The following SSBP3 variants were observed in gnomAD, a reference collection of about 807,000 sequenced individuals.
The protein encoded by SSBP3 is single-stranded DNA-binding protein 3.
SSBP3 carries 5 observed loss-of-function variants against 69.6 expected under a neutral mutation model. That is an observed-to-expected ratio of 0.07 (90% CI 0.04 to 0.15). SSBP3 has a LOEUF of 0.15. SSBP3 is among the 10% of genes least tolerant of loss of function. The probability of loss-of-function intolerance (pLI) is 1.00; values close to 1 mark genes in which losing one functional copy is unlikely to be tolerated. For synonymous variants in SSBP3, 196 were observed against 193.4 expected, an observed-to-expected ratio of 1.01 and a Z score of -0.11; for missense variants, 312 against 534.0, an observed-to-expected ratio of 0.58 and a Z score of 4.10.
chr1:54,288,886 G>A (rs1345890357), intron 4 of SSBP3, among the ~76,000 whole-genome samples: 1 of 151,864 alleles, frequency 6.6e-6, no homozygotes, highest in African/African-American at 2.4e-5. Flanking sequence ...TGGGTGTGGT[G>A]GCGGGTGCCT....
chr1:54,263,425 G>T (rs757545006), intron 5 of SSBP3, among the ~76,000 whole-genome samples: 1 of 152,176 alleles, frequency 6.6e-6, no homozygotes, highest in Non-Finnish European at 1.5e-5. Context: ...TTTCCCAACG[G>T]CTCTGAGCCT....
At chr1:54,249,428 C>T (rs1360796191) in intron 9 of SSBP3, among the ~76,000 whole-genome samples, 1 of 152,198 alleles carries the variant, frequency 6.6e-6, no homozygotes, top group East Asian at 1.9e-4. Flanking sequence ...GGCACGGTGG[C>T]TCACGCCTAT....
chr1:54,285,256 G>A (rs1645467151), intron 4 of SSBP3: 1 of 152,134 alleles, frequency 6.6e-6, no homozygotes, highest in Admixed American at 6.5e-5. Context: ...AGCAACCAGT[G>A]GTATAGGGCA....
At chr1:54,353,034 C>T (rs1229755616) in intron 4 of SSBP3, among the ~76,000 whole-genome samples, 5 of 152,120 alleles carry the variant, frequency 3.3e-5, no homozygotes, top group African/African-American at 1.2e-4. Context: ...GCGGCCCGAC[C>T]GGACAGCGCC....
rs2100538241 is a variant in SSBP3 at position 54,227,177 on chromosome 1, G to T, written c.1138-17C>A. The T allele has an allele frequency of 1.4e-6, 1 of 723,120 alleles. No individual in the cohort carries two copies. The highest frequency in any genetic ancestry group is 2.2e-6 in the Non-Finnish European group (1 of 463,548). The allele number at this position is 723,120 out of a possible 1,614,324, so 44.8% of individuals were successfully genotyped here. Reference sequence around the variant, plus strand: ...TGGAGAATACTGGAAAGGAGAAGCAGAGAAGGGGGGGGGGTGAGGATTGTG... The same window carrying T: ...TGGAGAATACTGGAAAGGAGAAGCATAGAAGGGGGGGGGGTGAGGATTGTG... On this transcript the variant is annotated splice_polypyrimidine_tract_variant and intron_variant, in intron 17 of 17. Transcript: ENST00000610401.
At chr1:54,334,866 T>C (rs1646482361) in intron 4 of SSBP3, among the ~76,000 whole-genome samples, 1 of 152,190 alleles carries the variant, frequency 6.6e-6, no homozygotes, top group African/African-American at 2.4e-5. Context: ...ATCTTCTTCA[T>C]CCTGTGCCTG....
At chr1:54,401,887 T>C (rs1649329885) in exon 4 of SSBP3, 1 of 1,613,964 alleles carries the variant, frequency 6.2e-7, no homozygotes, top group African/African-American at 1.3e-5. Context: ...TTTGCTTCAC[T>C]TGAATGTTCA....
In SSBP3 at chr1:54,391,746, A is replaced by G. The variant is rs1648513431; in HGVS notation, c.276+10115T>C. On this transcript the variant is annotated intron_variant, in intron 4 of 17. Coordinates refer to ENST00000610401, the Ensembl canonical transcript of SSBP3. Reference sequence around the variant, plus strand: ...CCTGGAAGCTGTGCAAACAGCTGTCACCAGGAGGGGACAGGGAATTTGGGA... The same window carrying G: ...CCTGGAAGCTGTGCAAACAGCTGTCGCCAGGAGGGGACAGGGAATTTGGGA... Among the ~76,000 whole-genome samples, 3 of 152,246 alleles carry G rather than the reference A, an allele frequency of 2.0e-5. No individual in the cohort carries two copies. In the South Asian group the frequency reaches 6.2e-4, roughly 31 times the overall value.
chr1:54,354,559 T>G (rs751299905), intron 4 of SSBP3, among the ~76,000 whole-genome samples: 10 of 152,026 alleles, frequency 6.6e-5, no homozygotes, highest in African/African-American at 2.4e-4. Flanking sequence ...GCAAGGAACT[T>G]CCACAAAGAC....
intron 17 of SSBP3, 88 bp downstream of exon 17, chr1:54,228,167 C>A: frequency 8.1e-7 from 1 of 1,228,794 alleles, no homozygotes; most frequent in Non-Finnish European, 1.2e-6. Flanking sequence ...AGCTGGCAGG[C>A]TGCAGCCCGG....
At chr1:54,328,250 C>T (rs928868450) in intron 4 of SSBP3, among the ~76,000 whole-genome samples, 3 of 152,192 alleles carry the variant, frequency 2.0e-5, no homozygotes, top group African/African-American at 7.2e-5. Flanking sequence ...GTGTTCACAA[C>T]AAGGAACACA....
rs1650019630 is a variant in SSBP3, at chr1:54,412,534, T to C, written c.-275+822A>G. ...GAGTAGAAAGGTGGTTGCCAGAGCC[T>C]GGGGAAGGAGGGAGTGGGGAGTTAG... On this transcript the variant is annotated intron_variant, in intron 1 of 8. Transcript: ENST00000525990. Among the ~76,000 whole-genome samples, 6 of 152,042 alleles carry C rather than the reference T, an allele frequency of 3.9e-5. No individual in the cohort carries two copies. In the South Asian group the frequency reaches 1.2e-3, roughly 32 times the overall value.
At chr1:54,377,110 C>G (rs1260372554) in intron 4 of SSBP3, among the ~76,000 whole-genome samples, 1 of 152,246 alleles carries the variant, frequency 6.6e-6, no homozygotes, top group East Asian at 1.9e-4. Context: ...TGCCAGAGGG[C>G]TGGCAAAGAC....
intron 4 of SSBP3, among the ~76,000 whole-genome samples, chr1:54,303,750 A>G (rs558379155): frequency 6.6e-6 from 1 of 152,328 alleles, no homozygotes; most frequent in African/African-American, 2.4e-5. Context: ...TAAAATACGT[A>G]CCAGACTGCA....
chr1:54,347,427 C>T (rs184968843), intron 4 of SSBP3, among the ~76,000 whole-genome samples: 77 of 151,116 alleles, frequency 5.1e-4, no homozygotes, highest in Admixed American at 3.0e-3. Flanking sequence ...TCTTGAACTA[C>T]TAGCCTCAAA....
At chr1:54,413,433 A>C (rs41294806) in exon 1 of SSBP3, 4,252 of 152,364 alleles carry the variant, frequency 0.028, 95 homozygotes, top group East Asian at 0.043. Flanking sequence ...TCTGGGGCAC[A>C]GGCTGAAGGG....
intron 4 of SSBP3, among the ~76,000 whole-genome samples, chr1:54,369,098 C>T (rs1056388478): frequency 6.6e-6 from 1 of 152,058 alleles, no homozygotes; most frequent in Non-Finnish European, 1.5e-5. Context: ...GCTCTTTCTG[C>T]TAAAACGAAA....
intron 4 of SSBP3, among the ~76,000 whole-genome samples, chr1:54,352,548 G>A (rs371105247): frequency 1.3e-5 from 2 of 152,298 alleles, no homozygotes; most frequent in East Asian, 1.9e-4. Context: ...GCCTCCAGAA[G>A]AGAAAGTCAT....
chr1:54,260,139 C>G (rs985846166), intron 5 of SSBP3, among the ~76,000 whole-genome samples: 1 of 152,086 alleles, frequency 6.6e-6, no homozygotes, highest in African/African-American at 2.4e-5. Flanking sequence ...TTTTGTACCA[C>G]GTAACTTGGG....
Sources: gnomAD v4.1 joint callset for allele counts (sites outside exome capture counted in the v4.1 genomes callset) on GRCh38, gnomAD v4.1.1 for gene constraint, MANE v1.5 for transcripts, NCBI Gene and HGNC (gene_info 2026-07-23, HGNC 2026-07-21) for gene names.